The following TENM1 variants were observed in gnomAD, a reference collection of about 807,000 sequenced individuals.
TENM1 encodes teneurin-1.
In TENM1, 35 loss-of-function variants were observed where a neutral mutation model predicts 174.8. The observed-to-expected ratio is 0.20, with a 90% CI of 0.15 to 0.27. TENM1 has a LOEUF of 0.27. Among genes scored for constraint, TENM1 ranks in the 10% least tolerant of loss-of-function variants. The probability of loss-of-function intolerance (pLI) is 1.00; values close to 1 mark genes in which losing one functional copy is unlikely to be tolerated. For synonymous variants in TENM1, 781 were observed against 798.7 expected, an observed-to-expected ratio of 0.98 and a Z score of 0.37; for missense variants, 1,633 against 2,130.1, an observed-to-expected ratio of 0.77 and a Z score of 4.59.
chrX:124,949,091 C>G (rs777469586), intron 1 of TENM1, among the ~76,000 whole-genome samples: 1 of 111,061 alleles, frequency 9.0e-6, no homozygotes, highest in Admixed American at 9.6e-5. Flanking sequence ...TATAAAGTTC[C>G]AATTCATTCT....
chrX:124,445,720 G>C (rs1269816776), intron 23 of TENM1, among the ~76,000 whole-genome samples: 4 of 112,305 alleles, frequency 3.6e-5, no homozygotes, highest in Non-Finnish European at 7.5e-5. Flanking sequence ...TCTTGCTTGT[G>C]TATCTCCTAT....
At chrX:125,118,946 G>A in the TENM1 span, among the ~76,000 whole-genome samples, 2 of 111,423 alleles carry the variant, frequency 1.8e-5, no homozygotes, top group Non-Finnish European at 3.8e-5. Flanking sequence ...GAATGGACTG[G>A]GAAGAGGCAG....
Position 124,882,739 on chromosome X carries a change from T to C in TENM1, c.535+11557A>G, listed in dbSNP as rs1042971100. Reference sequence around the variant, plus strand: ...TTGCTTTGGCTACTCTGGCTCTTTTTTGGTTCCATATAAATTTTGGCATAG... The same window carrying C: ...TTGCTTTGGCTACTCTGGCTCTTTTCTGGTTCCATATAAATTTTGGCATAG... On this transcript the variant is annotated intron_variant, in intron 3 of 31. Coordinates refer to ENST00000422452, the Ensembl canonical transcript of TENM1. Among the ~76,000 whole-genome samples, 3 of 112,376 alleles carry C rather than the reference T, an allele frequency of 2.7e-5. No homozygotes were observed. In the Admixed American group the frequency reaches 2.8e-4, roughly 11 times the overall value.
At chrX:124,522,774 C>T (rs1230003158) in intron 17 of TENM1, among the ~76,000 whole-genome samples, 7 of 109,538 alleles carry the variant, frequency 6.4e-5, no homozygotes, top group African/African-American at 2.0e-4. Flanking sequence ...CTGCAACCTC[C>T]GTCTCACGGG....
chrX:124,528,232 G>A (rs2048024906), intron 16 of TENM1, among the ~76,000 whole-genome samples: 1 of 110,318 alleles, frequency 9.1e-6, no homozygotes, highest in Non-Finnish European at 1.9e-5. Flanking sequence ...GCAGAGGAGG[G>A]GCTTGGGGCA....
chrX:124,630,297 T>C (rs1308868623), intron 11 of TENM1, among the ~76,000 whole-genome samples: 1 of 112,249 alleles, frequency 8.9e-6, no homozygotes, highest in Non-Finnish European at 1.9e-5. Context: ...TTGTTGAAAC[T>C]ACTTATTCTT....
chrX:124,735,521 C>T (rs1169332553), intron 4 of TENM1, among the ~76,000 whole-genome samples: 1 of 112,068 alleles, frequency 8.9e-6, no homozygotes, highest in Admixed American at 9.4e-5. Context: ...ATTAACACAA[C>T]CTCTGGAAAA....
At chrX:124,694,532 G>C (rs1327986925) in intron 5 of TENM1, among the ~76,000 whole-genome samples, 1 of 111,741 alleles carries the variant, frequency 8.9e-6, no homozygotes, top group Non-Finnish European at 1.9e-5. Context: ...AGGGAATGGA[G>C]AGATTTGGAT....
chrX:125,015,266 G>A, the TENM1 span, among the ~76,000 whole-genome samples: 1 of 111,347 alleles, frequency 9.0e-6, no homozygotes, highest in Non-Finnish European at 1.9e-5. Context: ...TGTTTATCTA[G>A]GGTTGAAATG....
intron 1 of TENM1, among the ~76,000 whole-genome samples, chrX:124,905,826 C>T (rs763875688): frequency 9.0e-6 from 1 of 111,472 alleles, no homozygotes; most frequent in Non-Finnish European, 1.9e-5. Context: ...ACAGCACATG[C>T]GTGCAAGAAA....
At chrX:124,813,877 G>A (rs1026198923) in intron 3 of TENM1, among the ~76,000 whole-genome samples, 3 of 110,818 alleles carry the variant, frequency 2.7e-5, no homozygotes, top group African/African-American at 9.8e-5. Flanking sequence ...AATTCCATAT[G>A]GTTCAAAAAA....
chrX:124,393,001 T>A (rs1192389990), intron 27 of TENM1, among the ~76,000 whole-genome samples: 1 of 111,744 alleles, frequency 8.9e-6, no homozygotes, highest in Non-Finnish European at 1.9e-5. Context: ...TAACTGTGGT[T>A]AAAGCACAGA....
chrX:124,658,182 A>G (rs912775131), intron 6 of TENM1, among the ~76,000 whole-genome samples: 4 of 111,620 alleles, frequency 3.6e-5, no homozygotes, highest in Non-Finnish European at 7.5e-5. Context: ...GTTTCCATCT[A>G]TGTAGCTTAA....
chrX:124,646,763 T>C, exon 9 of TENM1: 1 of 1,206,695 alleles, frequency 8.3e-7, no homozygotes, highest in South Asian at 1.8e-5. Flanking sequence ...TGGCCAGAGA[T>C]ACACTCTCCA....
chrX:125,199,005 T>A, the TENM1 span, among the ~76,000 whole-genome samples: 1 of 111,860 alleles, frequency 8.9e-6, no homozygotes, highest in Non-Finnish European at 1.9e-5. Context: ...CTTATACATT[T>A]TATAGAAGGC....
chrX:124,936,863 A>G (rs761880279), intron 1 of TENM1, among the ~76,000 whole-genome samples: 46 of 111,234 alleles, frequency 4.1e-4, no homozygotes, highest in Non-Finnish European at 4.1e-4. Context: ...CTTGACCAAC[A>G]TGGTGAAACC....
intron 22 of TENM1, among the ~76,000 whole-genome samples, chrX:124,472,274 C>A (rs1165822845): frequency 1.0e-5 from 1 of 100,390 alleles, no homozygotes; most frequent in South Asian, 5.0e-4. Flanking sequence ...TTAAACATCC[C>A]CTATTTTCTG....
chrX:124,382,794 T>G, exon 31 of TENM1: 1 of 1,198,671 alleles, frequency 8.3e-7, no homozygotes, highest in East Asian at 3.0e-5. Flanking sequence ...ACCAAATAGC[T>G]CCAACCAACT....
intron 22 of TENM1, among the ~76,000 whole-genome samples, chrX:124,471,259 A>C (rs1343306930): frequency 1.6e-5 from 1 of 61,186 alleles, no homozygotes; most frequent in African/African-American, 7.3e-5. Flanking sequence ...AATATATATT[A>C]TAATATATAG....
Sources: gnomAD v4.1 joint callset for allele counts (sites outside exome capture counted in the v4.1 genomes callset) on GRCh38, gnomAD v4.1.1 for gene constraint, MANE v1.5 for transcripts, NCBI Gene and HGNC (gene_info 2026-07-23, HGNC 2026-07-21) for gene names.